CYP2B6: variants seen among roughly 807,000 people sequenced by gnomAD.
CYP2B6 encodes cytochrome P450 2B6.
In CYP2B6, 35 loss-of-function variants were observed where a neutral mutation model predicts 43.4. That is an observed-to-expected ratio of 0.81 (90% CI 0.62 to 1.07). The LOEUF (loss-of-function observed/expected upper bound fraction) is 1.07, where lower values mean the gene tolerates loss of function less well. Among genes scored for constraint, CYP2B6 ranks in the 50% least tolerant of loss-of-function variants. The probability of loss-of-function intolerance (pLI) is 0.00; values close to 1 mark genes in which losing one functional copy is unlikely to be tolerated. For missense variants in CYP2B6, 624 were observed against 632.8 expected (o/e 0.99, Z 0.15); for synonymous variants, 239 against 239.2 (o/e 1.00, Z 0.01).
At chr19:41,002,012 A>G (rs187712541) in intron 1 of CYP2B6, among the ~76,000 whole-genome samples, 1 of 152,148 alleles carries the variant, frequency 6.6e-6, no homozygotes, top group Non-Finnish European at 1.5e-5. Flanking sequence ...GGTGGCTACA[A>G]GAATCCTGAA....
rs769114396 is a variant in CYP2B6, at chr19:41,004,353, A to G, written c.391A>G (p.Thr131Ala). The G allele has an allele frequency of 3.7e-6, 6 of 1,613,998 alleles. No individual in the cohort carries two copies. The South Asian group carries it at 4.4e-5, about 12-fold the overall frequency. ...GGTGCTTCGGCGATTCTCTGTGACCACTATGAGGGACTTCGGGATGGGAAA... is the reference window on the plus strand; with the variant it reads ...GGTGCTTCGGCGATTCTCTGTGACCGCTATGAGGGACTTCGGGATGGGAAA... ...WKVLRRFSVTTMRDFGMGKRS... is the reference protein window; with the variant it reads ...WKVLRRFSVTAMRDFGMGKRS... Residue 131 changes from threonine to alanine, a missense_variant, in exon 3 of 9, where the codon ACT (threonine) becomes GCT (alanine). Physicochemically the swap from Thr to Ala is moderately conservative, Grantham distance 58. Coordinates refer to ENST00000324071, the MANE Select transcript of CYP2B6 (RefSeq NM_000767.5).
At chr19:41,014,647 G>A (rs1204147686) in intron 8 of CYP2B6, among the ~76,000 whole-genome samples, 1 of 152,090 alleles carries the variant, frequency 6.6e-6, no homozygotes, top group African/African-American at 2.4e-5. Flanking sequence ...GGGAAATAAG[G>A]ACAGAGACAG....
chr19:41,009,079 T>G, intron 4 of CYP2B6, 140 bp from the exon 5 acceptor site: 1 of 700,184 alleles, frequency 1.4e-6, no homozygotes, highest in Non-Finnish European at 2.6e-6. Flanking sequence ...AGATATAGAG[T>G]CAGTGAGTGA....
At chr19:41,013,890 C>A (rs1451545516) in intron 8 of CYP2B6, among the ~76,000 whole-genome samples, 1 of 152,178 alleles carries the variant, frequency 6.6e-6, no homozygotes, top group Admixed American at 6.5e-5. Context: ...AACTGAGGTA[C>A]TGAAACAGCC....
Position 41,012,286 on chromosome 19 carries a change from T to C in CYP2B6, c.965-12T>C. The C allele has an allele frequency of 6.2e-7, 1 of 1,613,888 alleles. No individual in the cohort carries two copies. On this transcript the variant is annotated splice_polypyrimidine_tract_variant and intron_variant, in intron 6 of 8. Transcript: ENST00000324071. ...TTTAAAATGAGATTCATTGGTCTTC[T>C]TTTCTGTACAGAGAGAGTCTACAGG... is the stretch of plus-strand genomic sequence containing the variant.
At chr19:41,004,570 C>T in intron 3 of CYP2B6, 124 bp downstream of exon 3, 1 of 1,092,336 alleles carries the variant, frequency 9.2e-7, no homozygotes, top group Non-Finnish European at 1.4e-6. Flanking sequence ...CTGGAGACAC[C>T]ATCAGACAGA....
intron 1 of CYP2B6, among the ~76,000 whole-genome samples, chr19:40,994,157 T>C (rs1968964945): frequency 6.6e-6 from 1 of 152,254 alleles, no homozygotes; most frequent in African/African-American, 2.4e-5. Flanking sequence ...TTGAGGTTGA[T>C]AGTAATTTCA....
chr19:41,008,155 TA>T (rs1298039699), intron 4 of CYP2B6, among the ~76,000 whole-genome samples: 1 of 151,980 alleles, frequency 6.6e-6, no homozygotes, highest in South Asian at 2.1e-4. Flanking sequence ...GAAATATGCC[TA>T]TTACATATTA....
Position 41,012,414 on chromosome 19 carries a change from G to T in CYP2B6, c.1081G>T (p.Asp361Tyr), listed in dbSNP as rs375020909. The T allele has an allele frequency of 6.2e-7, 1 of 1,613,952 alleles. No individual in the cohort carries two copies. Among genetic ancestry groups the T allele is most frequent in the Non-Finnish European group, 8.5e-7 (1 of 1,179,958 alleles). Residue 361 changes from aspartate to tyrosine, a missense_variant, in exon 7 of 9, where the codon GAC (aspartate) becomes TAC (tyrosine). Coordinates refer to ENST00000324071, the MANE Select transcript of CYP2B6 (RefSeq NM_000767.5). ...AVIYEIQRFS[D>Y]LLPMGVPHIV... ...CATCTATGAGATTCAGAGATTTTCC[G>T]ACCTTCTCCCCATGGGTGTGCCCCA...
Position 41,009,976 on chromosome 19 carries a change from T to A in CYP2B6, c.823-18T>A. 1 of 1,613,922 alleles carries A rather than the reference T, an allele frequency of 6.2e-7. No individual in the cohort carries two copies. The highest frequency in any genetic ancestry group is 1.3e-5 in the African/African-American group (1 of 74,990). ...AGCCTCCCCTGACCCTCCCCTTCCT[T>A]CCCTACTGTGGACGCAGGAGAAATC... On this transcript the variant is annotated intron_variant, in intron 5 of 8. Transcript: ENST00000324071.
At chr19:41,001,213 AT>A (rs979565944) in intron 1 of CYP2B6, among the ~76,000 whole-genome samples, 10 of 152,148 alleles carry the variant, frequency 6.6e-5, no homozygotes, top group Non-Finnish European at 1.0e-4. Flanking sequence ...TTTGTGGATT[AT>A]GAAATTCTCA....
intron 8 of CYP2B6, among the ~76,000 whole-genome samples, chr19:41,015,007 GAGAA>G (rs1383342521): frequency 6.6e-6 from 1 of 152,046 alleles, no homozygotes; most frequent in Admixed American, 6.6e-5. Context: ...AAGAATGAGA[GAGAA>G]AGAGATTGGG....
chr19:41,012,633 A>G (rs1042864069), intron 7 of CYP2B6, 41 bp from the exon 8 acceptor site: 2 of 1,612,756 alleles, frequency 1.2e-6, no homozygotes, highest in Admixed American at 3.3e-5. Flanking sequence ...GGAGGGTTGG[A>G]GGGAATGGCA....
intron 1 of CYP2B6, among the ~76,000 whole-genome samples, chr19:40,994,806 C>T (rs545603765): frequency 1.7e-4 from 26 of 151,978 alleles, no homozygotes; most frequent in Non-Finnish European, 2.9e-4. Flanking sequence ...TATGTTATTA[C>T]GTACTGTTAT....
intron 1 of CYP2B6, among the ~76,000 whole-genome samples, chr19:41,000,975 T>C (rs1013452789): frequency 2.0e-5 from 3 of 151,094 alleles, no homozygotes; most frequent in African/African-American, 7.3e-5. Flanking sequence ...GGAGGCGGAG[T>C]TTGCCCTGAG....
intron 8 of CYP2B6, chr19:41,013,099 C>A (rs923927454): frequency 2.1e-5 from 9 of 438,740 alleles, no homozygotes; most frequent in South Asian, 4.2e-5. Flanking sequence ...TGTTGGGCAC[C>A]ACTGTAAGCC....
chr19:41,010,218 AG>A (rs1969259608), intron 6 of CYP2B6, 83 bp downstream of exon 6: 1 of 1,539,712 alleles, frequency 6.5e-7, no homozygotes. Flanking sequence ...CACCTGGATG[AG>A]AGAGGGGATG....
At chr19:40,992,422 C>T (rs1302398650) in intron 1 of CYP2B6, among the ~76,000 whole-genome samples, 1 of 152,030 alleles carries the variant, frequency 6.6e-6, no homozygotes, top group Non-Finnish European at 1.5e-5. Flanking sequence ...ACAATGTCAA[C>T]GTAGTTGAGT....
chr19:40,993,750 A>T (rs1411801303), intron 1 of CYP2B6, among the ~76,000 whole-genome samples: 2 of 152,102 alleles, frequency 1.3e-5, no homozygotes, highest in East Asian at 3.8e-4. Context: ...AAATGTCCTT[A>T]GTGTATTTGT....
Sources: allele counts gnomAD v4.1 joint callset (sites outside exome capture counted in the v4.1 genomes callset), GRCh38; gene constraint gnomAD v4.1.1; transcripts MANE v1.5; gene names NCBI Gene and HGNC (gene_info 2026-07-23, HGNC 2026-07-21).